The following PTPN3 variants were observed in gnomAD, a reference collection of about 807,000 sequenced individuals.
PTPN3 encodes the protein tyrosine-protein phosphatase non-receptor type 3.
PTPN3 carries 96 observed loss-of-function variants against 132.7 expected under a neutral mutation model. The ratio of observed to expected loss-of-function variants is 0.72; its 90% CI spans 0.61 to 0.86. The LOEUF is 0.86. Among genes scored for constraint, PTPN3 ranks in the 40% least tolerant of loss-of-function variants. The pLI, the probability that PTPN3 is intolerant of heterozygous loss-of-function variation, is 0.00. For synonymous variants in PTPN3, 398 were observed against 429.0 expected, an observed-to-expected ratio of 0.93 and a Z score of 0.89; for missense variants, 1,125 against 1,159.6, an observed-to-expected ratio of 0.97 and a Z score of 0.43.
chr9:109,423,048 C>T (rs1358978873), intron 12 of PTPN3, among the ~76,000 whole-genome samples, 196 bp from the exon 13 acceptor site: 2 of 152,202 alleles, frequency 1.3e-5, no homozygotes, highest in East Asian at 1.9e-4. Context: ...TTCTTCTCTT[C>T]GGGTGAAAAT....
intron 7 of PTPN3, among the ~76,000 whole-genome samples, chr9:109,440,906 G>C (rs1368503482): frequency 6.6e-6 from 1 of 152,180 alleles, no homozygotes; most frequent in Non-Finnish European, 1.5e-5. Context: ...ACCACTAGGG[G>C]GAAACAAAGT....
At chr9:109,462,287 C>G (rs780883553) in intron 2 of PTPN3, among the ~76,000 whole-genome samples, 1 of 152,236 alleles carries the variant, frequency 6.6e-6, no homozygotes, top group Non-Finnish European at 1.5e-5. Flanking sequence ...CAGCACCCAC[C>G]GTGCTAAAAC....
At chr9:109,506,607 C>CTTTT in the PTPN3 span, among the ~76,000 whole-genome samples, 3 of 131,788 alleles carry the variant, frequency 2.3e-5, no homozygotes, top group Admixed American at 7.8e-5. Flanking sequence ...TTCTTTCTTT[C>CTTTT]TTTTTTTTTT....
intron 10 of PTPN3, among the ~76,000 whole-genome samples, chr9:109,430,773 T>C (rs1167213203): frequency 8.5e-5 from 13 of 152,212 alleles, no homozygotes; most frequent in Non-Finnish European, 2.9e-5. Context: ...TATAGGCTCC[T>C]ATGGCCCGTG....
chr9:109,480,145 C>T (rs1846891489), intron 1 of PTPN3, among the ~76,000 whole-genome samples: 2 of 152,056 alleles, frequency 1.3e-5, no homozygotes, highest in Non-Finnish European at 2.9e-5. Flanking sequence ...CTATTCAAGT[C>T]TTCTGCCCAT....
At position 109,445,231 on chromosome 9, in the gene PTPN3, G is replaced by A. The variant is rs762445652; in HGVS notation, c.466+9C>T. The stretch of plus-strand genomic sequence containing the variant: ...TGTCCATCCGTGAAATGCTCCCTTT[G>A]TGACTTACATTGTACGGCATAGGAC... On this transcript the variant is annotated intron_variant, in intron 7 of 25. Coordinates refer to ENST00000374541, the MANE Select transcript of PTPN3 (RefSeq NM_002829.4). The A allele has an allele frequency of 2.5e-6, 4 of 1,611,746 alleles. No individual in the cohort carries two copies. Among genetic ancestry groups the A allele is most frequent in the South Asian group, 1.1e-5 (1 of 91,022 alleles).
chr9:109,525,011 G>T, the PTPN3 span, among the ~76,000 whole-genome samples: 2 of 152,174 alleles, frequency 1.3e-5, no homozygotes, highest in African/African-American at 4.8e-5. Context: ...CTCCCAAAGT[G>T]CTGGGATTAC....
In PTPN3 at chr9:109,445,409, A is replaced by G. The variant is rs75674712; in HGVS notation, c.414-117T>C. Reference sequence around the variant, plus strand: ...TGCTTTGATCAACCATTACAAAACAACATGAATTGTAACAAAAGCAACTTT... The same window carrying G: ...TGCTTTGATCAACCATTACAAAACAGCATGAATTGTAACAAAAGCAACTTT... On this transcript the variant is annotated intron_variant, in intron 6 of 25. Transcript: ENST00000374541. 1.3e-3 allele frequency: 1,188 copies of G among 950,246 alleles called. 25 individuals are homozygous for G. In the East Asian group the frequency reaches 0.031, roughly 24 times the overall value. 58.9% of individuals were successfully genotyped at this position (950,246 alleles called of 1,614,324 possible). A position where few individuals can be genotyped will look rare whatever the true frequency, so the allele number is the denominator to read the frequency against.
intron 1 of PTPN3, among the ~76,000 whole-genome samples, chr9:109,487,981 T>C (rs904226447): frequency 2.6e-5 from 4 of 152,226 alleles, no homozygotes; most frequent in Admixed American, 1.3e-4. Context: ...AAAAGGTTTT[T>C]CTGAGGTCAC....
chr9:109,462,861 C>A (rs1312804669), intron 2 of PTPN3, among the ~76,000 whole-genome samples: 1 of 151,918 alleles, frequency 6.6e-6, no homozygotes, highest in Non-Finnish European at 1.5e-5. Context: ...TCTATTCTTT[C>A]CTGTTTTCAA....
chr9:109,409,905 A>G, intron 16 of PTPN3, 94 bp downstream of exon 16: 1 of 1,509,020 alleles, frequency 6.6e-7, no homozygotes, highest in Non-Finnish European at 8.9e-7. Context: ...TTCCTTATGT[A>G]GCTCAGGAAT....
intron 16 of PTPN3, 51 bp downstream of exon 16, chr9:109,409,948 T>C (rs759259871): frequency 2.8e-5 from 45 of 1,595,384 alleles, no homozygotes; most frequent in Middle Eastern, 1.7e-4. Flanking sequence ...TAAAAACTCA[T>C]TGAAAGATTG....
intron 19 of PTPN3, among the ~76,000 whole-genome samples, chr9:109,398,921 G>C (rs1433482567): frequency 2.0e-5 from 3 of 152,164 alleles, no homozygotes; most frequent in Non-Finnish European, 4.4e-5. Context: ...TCCTGGAAGT[G>C]GTAATTTTGG....
chr9:109,403,833 G>T (rs1484064718), intron 19 of PTPN3, among the ~76,000 whole-genome samples: 1 of 152,200 alleles, frequency 6.6e-6, no homozygotes, highest in African/African-American at 2.4e-5. Context: ...ATGTCTGTGT[G>T]TACCTTTGTC....
At chr9:109,441,688 G>C (rs1337831065) in intron 7 of PTPN3, among the ~76,000 whole-genome samples, 1 of 152,004 alleles carries the variant, frequency 6.6e-6, no homozygotes, top group Non-Finnish European at 1.5e-5. Context: ...ATAAAGCCTT[G>C]GCAGGCCATT....
intron 10 of PTPN3, among the ~76,000 whole-genome samples, chr9:109,431,003 C>T (rs1843624249): frequency 6.6e-6 from 1 of 152,240 alleles, no homozygotes; most frequent in African/African-American, 2.4e-5. Flanking sequence ...CTTCTTATGT[C>T]CTGCCCCTCC....
intron 16 of PTPN3, among the ~76,000 whole-genome samples, chr9:109,408,796 A>ATATATATATATATATATATATAT (rs1554783378): frequency 7.4e-5 from 8 of 108,340 alleles, no homozygotes; most frequent in African/African-American, 2.6e-4. Context: ...AAAAAAAAAA[A>ATATATATATATATATATATATAT]ATATATATAT....
At chr9:109,521,798 T>G in the PTPN3 span, among the ~76,000 whole-genome samples, 1 of 152,246 alleles carries the variant, frequency 6.6e-6, no homozygotes, top group Non-Finnish European at 1.5e-5. Flanking sequence ...TCAAGGGTGC[T>G]TGTGTTCATC....
chr9:109,483,060 C>T (rs1847035264), intron 1 of PTPN3, among the ~76,000 whole-genome samples: 1 of 152,228 alleles, frequency 6.6e-6, no homozygotes, highest in African/African-American at 2.4e-5. Flanking sequence ...GGCACCTGTC[C>T]TTTCCTGAAG....
Sources: allele counts gnomAD v4.1 joint callset (sites outside exome capture counted in the v4.1 genomes callset), GRCh38; gene constraint gnomAD v4.1.1; transcripts MANE v1.5; gene names NCBI Gene and HGNC (gene_info 2026-07-23, HGNC 2026-07-21).